Variants in ANKEF1 observed in about 807,000 individuals in gnomAD.
The protein encoded by ANKEF1 is ankyrin repeat and EF-hand domain containing 1.
In ANKEF1, 43 loss-of-function variants were observed where a neutral mutation model predicts 65.1. That is an observed-to-expected ratio of 0.66 (90% CI 0.52 to 0.85). The LOEUF (loss-of-function observed/expected upper bound fraction) is 0.85, where lower values mean the gene tolerates loss of function less well. Among genes scored for constraint, ANKEF1 ranks in the 40% least tolerant of loss-of-function variants. ANKEF1 has a pLI of 0.00. For synonymous variants in ANKEF1, 316 were observed against 341.5 expected (o/e 0.93, Z 0.82); for missense variants, 934 against 952.9 (o/e 0.98, Z 0.26).
intron 6 of ANKEF1, among the ~76,000 whole-genome samples, chr20:10,046,887 A>G (rs562579624): frequency 1.2e-3 from 176 of 152,370 alleles, no homozygotes; most frequent in Non-Finnish European, 1.0e-4. Context: ...ACTTGTATGA[A>G]TGTATACTTT....
intron 3 of ANKEF1, 70 bp downstream of exon 3, chr20:10,038,717 CTTTT>C: frequency 8.0e-7 from 1 of 1,245,642 alleles, no homozygotes; most frequent in Non-Finnish European, 1.1e-6. Context: ...AACATGGACT[CTTTT>C]TGTTTTCCAA....
In ANKEF1 at chr20:10,053,046, T is replaced by C. The variant is rs1305151212; in HGVS notation, c.1871-66T>C. Reference sequence around the variant, plus strand: ...GGCTTAGAGCTGATGTGCTGAGATATTTTTCTACATGGTTTATCATTAATA... The same window carrying C: ...GGCTTAGAGCTGATGTGCTGAGATACTTTTCTACATGGTTTATCATTAATA... On this transcript the variant is annotated intron_variant, in intron 8 of 10. Transcript: ENST00000378392. 1.4e-5 allele frequency: 21 copies of C among 1,485,836 alleles called. No homozygotes were observed. In the African/African-American group the frequency reaches 2.7e-4, roughly 19 times the overall value. The allele number at this position is 1,485,836 out of a possible 1,614,324, so 92.0% of individuals were successfully genotyped here. A position where few individuals can be genotyped will look rare whatever the true frequency, so the allele number is the denominator to read the frequency against.
At chr20:10,045,828 A>G (rs944880168) in intron 6 of ANKEF1, 131 bp downstream of exon 6, 2 of 842,102 alleles carry the variant, frequency 2.4e-6, no homozygotes, top group Non-Finnish European at 3.6e-6. Context: ...TCATATGTAG[A>G]AAGAAAATTG....
At chr20:10,039,814 G>A (rs1358167400) in intron 3 of ANKEF1, among the ~76,000 whole-genome samples, 1 of 152,086 alleles carries the variant, frequency 6.6e-6, no homozygotes, top group Non-Finnish European at 1.5e-5. Context: ...CTCAAAAATG[G>A]TGACATTTTC....
intron 9 of ANKEF1, 83 bp from the exon 10 acceptor site, chr20:10,054,379 A>G (rs1455470007): frequency 3.5e-6 from 4 of 1,131,058 alleles, no homozygotes. Context: ...TTCTGGCTTC[A>G]GAGTAAGATG....
In ANKEF1 at chr20:10,040,324, T is replaced by C. The variant is rs563812610; in HGVS notation, c.346+1677T>C. 4.6e-5 allele frequency among the ~76,000 whole-genome samples: 7 copies of C among 152,360 alleles called. No individual in the cohort carries two copies. The South Asian group carries it at 1.0e-3, about 23-fold the overall frequency. On this transcript the variant is annotated intron_variant, in intron 3 of 10. Coordinates refer to ENST00000378392, the MANE Select transcript of ANKEF1 (RefSeq NM_022096.6). ...TTATTCCACAGTACCCTCTCTGTCA[T>C]TGACATCCTATTTTCTGGTGACTCA... is the stretch of plus-strand genomic sequence containing the variant.
rs1985086718 is a variant in ANKEF1, at chr20:10,055,397, CA to C, written c.2173-102del. The C allele has an allele frequency of 3.7e-6, 4 of 1,074,540 alleles. No homozygotes were observed. In the East Asian group the frequency reaches 1.0e-4, roughly 27 times the overall value. The allele number at this position is 1,074,540 out of a possible 1,614,324, so 66.6% of individuals were successfully genotyped here. A position where few individuals can be genotyped will look rare whatever the true frequency, so the allele number is the denominator to read the frequency against. On this transcript the variant is annotated intron_variant, in intron 10 of 10. Transcript: ENST00000378392. ...AATAGTTTTAAGTTAAAACTATAAA[CA>C]AATTTTTAAGTTAAAACTGTGTATT...
Position 10,049,531 on chromosome 20 carries a change from C to T in ANKEF1, c.962C>T (p.Pro321Leu), listed in dbSNP as rs1173259468. The T allele has an allele frequency of 6.2e-7, 1 of 1,614,110 alleles. No homozygotes were observed. The highest frequency in any genetic ancestry group is 8.5e-7 in the Non-Finnish European group (1 of 1,180,000). The change falls in exon 7 of 11, where the codon CCA becomes CTA. Residue 321 changes from proline to leucine, a missense_variant. Physicochemically the swap from Pro to Leu is moderately conservative, Grantham distance 98. Coordinates refer to ENST00000378392, the MANE Select transcript of ANKEF1 (RefSeq NM_022096.6). ...NKLARPGAKN[P>L]NPLWALRLHD... ...CTAGCCAGGCCAGGAGCCAAAAATCCAAATCCACTGTGGGCCCTTAGACTG... is the reference window on the plus strand; with the variant it reads ...CTAGCCAGGCCAGGAGCCAAAAATCTAAATCCACTGTGGGCCCTTAGACTG...
intron 6 of ANKEF1, 87 bp from the exon 7 acceptor site, chr20:10,049,303 A>C: frequency 7.8e-7 from 1 of 1,274,710 alleles, no homozygotes; most frequent in Non-Finnish European, 1.1e-6. Flanking sequence ...TAATCACGAG[A>C]AATTAAGAAA....
intron 7 of ANKEF1, 120 bp downstream of exon 7, chr20:10,050,332 G>A: frequency 5.5e-6 from 4 of 732,114 alleles, no homozygotes; most frequent in Non-Finnish European, 8.7e-6. Flanking sequence ...TCTATAATAA[G>A]GCTTTAATAT....
chr20:10,044,253 A>C, intron 4 of ANKEF1, 141 bp from the exon 5 acceptor site: 1 of 920,302 alleles, frequency 1.1e-6, no homozygotes, highest in Non-Finnish European at 1.5e-6. Flanking sequence ...TCTTTGTTAC[A>C]TGAAGCTAAG....
rs1984002137 is a variant in ANKEF1, at chr20:10,038,591, T to A, written c.290T>A (p.Met97Lys). The A allele has an allele frequency of 6.2e-7, 1 of 1,613,878 alleles. No homozygotes were observed. Among genetic ancestry groups the A allele is most frequent in the South Asian group, 1.1e-5 (1 of 91,042 alleles). ...RAAELGHELS[M>K]EILAKAKADM... ...GCAGAACTGGGCCATGAATTGTCAATGGAAATATTAGCAAAGGCAAAGGCT... is the reference window on the plus strand; with the variant it reads ...GCAGAACTGGGCCATGAATTGTCAAAGGAAATATTAGCAAAGGCAAAGGCT... Residue 97 changes from methionine to lysine, a missense_variant, in exon 3 of 11, where the codon ATG becomes AAG. Transcript: ENST00000378392.
intron 5 of ANKEF1, among the ~76,000 whole-genome samples, chr20:10,045,300 A>G (rs1201281600): frequency 6.6e-6 from 1 of 152,200 alleles, no homozygotes; most frequent in Non-Finnish European, 1.5e-5. Context: ...ATGCTATTTA[A>G]TAGAACTTTT....
chr20:10,046,482 G>A (rs1377888297), intron 6 of ANKEF1, among the ~76,000 whole-genome samples: 2 of 152,148 alleles, frequency 1.3e-5, no homozygotes, highest in African/African-American at 4.8e-5. Context: ...AATTTGAAAT[G>A]TAAGCAGAAT....
chr20:10,046,216 G>T (rs928355990), intron 6 of ANKEF1, among the ~76,000 whole-genome samples: 2 of 152,210 alleles, frequency 1.3e-5, no homozygotes, highest in Admixed American at 6.5e-5. Flanking sequence ...AAAGGTTGCA[G>T]TGATCCAAGA....
rs183162477 is a variant in ANKEF1, at chr20:10,043,384, C to A, written c.546+63C>A. ...CAATTACAGCATAGTATAATCTTTT[C>A]ATTTAAATATGATGACATTATCCTG... On this transcript the variant is annotated intron_variant, in intron 4 of 10. Coordinates refer to ENST00000378392, the MANE Select transcript of ANKEF1 (RefSeq NM_022096.6). 45 of 1,467,322 alleles carry A rather than the reference C, an allele frequency of 3.1e-5. No individual in the cohort carries two copies. In the Admixed American group the frequency reaches 7.6e-4, roughly 25 times the overall value. The allele number at this position is 1,467,322 out of a possible 1,614,324, so 90.9% of individuals were successfully genotyped here.
chr20:10,043,740 C>T (rs6108384), intron 4 of ANKEF1, among the ~76,000 whole-genome samples: 28,320 of 145,344 alleles, frequency 0.19, 2,797 homozygotes, highest in Middle Eastern at 0.25. Flanking sequence ...CTCACTGCAA[C>T]CTCTGCCTCT....
At position 10,038,494 on chromosome 20, in the gene ANKEF1, A is replaced by G. The variant is rs1294697666; in HGVS notation, c.193A>G (p.Ser65Gly). ...AGTTTCCAATGATATTGATATGGTC[A>G]GCTTTCTCCTTGACCTTGGTGCTCA... ...ASVSNDIDMV[S>G]FLLDLGAHPD... Residue 65 changes from serine to glycine, a missense_variant, in exon 3 of 11, where the codon AGC (serine) becomes GGC (glycine). Coordinates refer to ENST00000378392, the MANE Select transcript of ANKEF1 (RefSeq NM_022096.6). The G allele has an allele frequency of 6.2e-7, 1 of 1,614,124 alleles. No homozygotes were observed. The highest frequency in any genetic ancestry group is 8.5e-7 in the Non-Finnish European group (1 of 1,180,052).
At chr20:10,039,196 C>T (rs1259722989) in intron 3 of ANKEF1, among the ~76,000 whole-genome samples, 2 of 152,150 alleles carry the variant, frequency 1.3e-5, no homozygotes, top group Non-Finnish European at 2.9e-5. Context: ...TAGACATGAC[C>T]TTTCAACAAT....
Sources: allele counts gnomAD v4.1 joint callset (sites outside exome capture counted in the v4.1 genomes callset), GRCh38; gene constraint gnomAD v4.1.1; transcripts MANE v1.5; gene names NCBI Gene and HGNC (gene_info 2026-07-23, HGNC 2026-07-21).